The following GALNTL6 variants were observed in gnomAD, a reference collection of about 807,000 sequenced individuals.
The protein encoded by GALNTL6 is polypeptide N-acetylgalactosaminyltransferase-like 6.
In GALNTL6, 46 loss-of-function variants were observed where a neutral mutation model predicts 73.7. That is an observed-to-expected ratio of 0.62 (90% CI 0.49 to 0.80). The LOEUF is 0.80. Among genes scored for constraint, GALNTL6 ranks in the 30% least tolerant of loss-of-function variants. GALNTL6 has a pLI of 0.00. For missense variants in GALNTL6, 604 were observed against 755.0 expected, an observed-to-expected ratio of 0.80 and a Z score of 2.34; for synonymous variants, 259 against 263.7, an observed-to-expected ratio of 0.98 and a Z score of 0.17.
At chr4:172,534,532 C>T (rs1735277473) in intron 5 of GALNTL6, among the ~76,000 whole-genome samples, 3 of 152,068 alleles carry the variant, frequency 2.0e-5, no homozygotes, top group African/African-American at 7.2e-5. Context: ...TAAACATTAT[C>T]ATTTGAGATG....
At chr4:172,419,678 C>T (rs1003599245) in intron 5 of GALNTL6, among the ~76,000 whole-genome samples, 2 of 152,166 alleles carry the variant, frequency 1.3e-5, no homozygotes, top group Admixed American at 6.6e-5. Flanking sequence ...GGACGACATA[C>T]ATTTTAATAG....
At chr4:172,033,722 C>T (rs986362691) in intron 2 of GALNTL6, among the ~76,000 whole-genome samples, 2 of 152,094 alleles carry the variant, frequency 1.3e-5, no homozygotes, top group African/African-American at 4.8e-5. Context: ...CACAGATAAT[C>T]ACTGGCATGT....
intron 5 of GALNTL6, among the ~76,000 whole-genome samples, chr4:172,752,188 A>G (rs1737464841): frequency 6.6e-6 from 1 of 152,084 alleles, no homozygotes; most frequent in Admixed American, 6.5e-5. Flanking sequence ...TAAAAAAGTA[A>G]TATATATTAA....
intron 2 of GALNTL6, among the ~76,000 whole-genome samples, chr4:171,864,429 T>C (rs964394750): frequency 6.6e-6 from 1 of 152,190 alleles, no homozygotes; most frequent in African/African-American, 2.4e-5. Flanking sequence ...GATAGCAAGA[T>C]ATGCTAGCAT....
chr4:172,100,923 A>G (rs1732493618), intron 2 of GALNTL6, among the ~76,000 whole-genome samples: 1 of 152,162 alleles, frequency 6.6e-6, no homozygotes, highest in Non-Finnish European at 1.5e-5. Context: ...AAGATTCATT[A>G]AAATCTCGGG....
At chr4:172,145,648 A>G (rs1227806023) in intron 2 of GALNTL6, among the ~76,000 whole-genome samples, 2 of 152,152 alleles carry the variant, frequency 1.3e-5, no homozygotes, top group African/African-American at 4.8e-5. Flanking sequence ...AAAAATAAAA[A>G]CATTTTTATT....
intron 2 of GALNTL6, among the ~76,000 whole-genome samples, chr4:172,078,799 C>T (rs773939232): frequency 2.6e-5 from 4 of 152,062 alleles, no homozygotes; most frequent in Non-Finnish European, 4.4e-5. Context: ...ATAAACATTT[C>T]CAATTTTGAG....
chr4:172,839,674 G>A (rs1044453132), intron 7 of GALNTL6, among the ~76,000 whole-genome samples: 5 of 152,206 alleles, frequency 3.3e-5, no homozygotes, highest in African/African-American at 1.2e-4. Flanking sequence ...AGTCCTTACA[G>A]GAGATGAGTT....
chr4:171,945,248 A>G (rs1738669097), intron 2 of GALNTL6, among the ~76,000 whole-genome samples: 1 of 152,132 alleles, frequency 6.6e-6, no homozygotes, highest in African/African-American at 2.4e-5. Flanking sequence ...GATGCTGGTA[A>G]TATCATTGAC....
chr4:171,906,394 A>G (rs1342650593), intron 2 of GALNTL6, among the ~76,000 whole-genome samples: 3 of 151,938 alleles, frequency 2.0e-5, no homozygotes, highest in Non-Finnish European at 2.9e-5. Flanking sequence ...GAAAATCTAG[A>G]AGAAATGGAT....
intron 2 of GALNTL6, among the ~76,000 whole-genome samples, chr4:171,934,906 C>A (rs1027954775): frequency 2.6e-5 from 4 of 152,016 alleles, no homozygotes; most frequent in Admixed American, 2.6e-4. Flanking sequence ...CTTACTTTTC[C>A]CTTGCTTTCT....
At chr4:172,770,133 G>A (rs547087557) in intron 5 of GALNTL6, among the ~76,000 whole-genome samples, 3 of 152,074 alleles carry the variant, frequency 2.0e-5, no homozygotes, top group East Asian at 3.9e-4. Context: ...GGGCGTTGTG[G>A]TGCACACCTG....
chr4:172,212,264 C>G (rs527669064), intron 2 of GALNTL6, among the ~76,000 whole-genome samples: 1 of 151,958 alleles, frequency 6.6e-6, no homozygotes, highest in African/African-American at 2.4e-5. Flanking sequence ...CAGGTTCAAG[C>G]GATTCCCCTG....
At chr4:172,344,260 T>TA (rs1185279073) in intron 4 of GALNTL6, among the ~76,000 whole-genome samples, 1 of 152,200 alleles carries the variant, frequency 6.6e-6, no homozygotes, top group African/African-American at 2.4e-5. Flanking sequence ...GTGCAGAGCC[T>TA]AAATAAAGCC....
chr4:172,200,690 C>G (rs1384851417), intron 2 of GALNTL6, among the ~76,000 whole-genome samples: 2 of 152,176 alleles, frequency 1.3e-5, no homozygotes, highest in African/African-American at 4.8e-5. Flanking sequence ...AAATGTGTGA[C>G]AACATCTACC....
intron 2 of GALNTL6, among the ~76,000 whole-genome samples, chr4:171,900,462 C>T (rs1020952793): frequency 6.7e-6 from 1 of 148,990 alleles, no homozygotes; most frequent in African/African-American, 2.5e-5. Context: ...TGTGTGCCAC[C>T]ACACTCGGCT....
intron 8 of GALNTL6, among the ~76,000 whole-genome samples, chr4:172,883,642 T>C (rs1745571455): frequency 6.6e-6 from 1 of 152,202 alleles, no homozygotes; most frequent in Non-Finnish European, 1.5e-5. Flanking sequence ...CCTCCAACAC[T>C]GGGGGCCACA....
chr4:172,499,690 C>G, intron 5 of GALNTL6, among the ~76,000 whole-genome samples: 1 of 152,228 alleles, frequency 6.6e-6, no homozygotes, highest in Admixed American at 6.5e-5. Flanking sequence ...AATGCTTCAC[C>G]TAACAGTAAA....
chr4:172,285,350 T>C (rs1231510540), intron 3 of GALNTL6, among the ~76,000 whole-genome samples: 1 of 152,188 alleles, frequency 6.6e-6, no homozygotes, highest in Non-Finnish European at 1.5e-5. Flanking sequence ...AGGAGATGTA[T>C]ATCCTGGCCT....
Sources: allele counts gnomAD v4.1 joint callset (sites outside exome capture counted in the v4.1 genomes callset), GRCh38; gene constraint gnomAD v4.1.1; transcripts MANE v1.5; gene names NCBI Gene and HGNC (gene_info 2026-07-23, HGNC 2026-07-21).